The following CAMTA1 variants were observed in gnomAD, a reference collection of about 807,000 sequenced individuals.
The protein encoded by CAMTA1 is calmodulin binding transcription activator 1.
CAMTA1 carries 27 observed loss-of-function variants against 170.9 expected under a neutral mutation model. That is an observed-to-expected ratio of 0.16 (90% confidence interval 0.12 to 0.22). CAMTA1 has a LOEUF of 0.22. Among genes scored for constraint, CAMTA1 ranks in the 10% least tolerant of loss-of-function variants. The pLI is 1.00. For synonymous variants in CAMTA1, 833 were observed against 891.5 expected, an observed-to-expected ratio of 0.93 and a Z score of 1.17; for missense variants, 1,619 against 2,217.2, an observed-to-expected ratio of 0.73 and a Z score of 5.42.
intron 4 of CAMTA1, among the ~76,000 whole-genome samples, chr1:7,105,520 T>G (rs539756672): frequency 1.2e-4 from 18 of 152,362 alleles, no homozygotes; most frequent in South Asian, 6.2e-4. Context: ...TCCGTTCCAC[T>G]GAGCACTGGG....
chr1:7,265,174 C>T (rs1668730589), intron 5 of CAMTA1, among the ~76,000 whole-genome samples: 1 of 152,164 alleles, frequency 6.6e-6, no homozygotes, highest in Non-Finnish European at 1.5e-5. Context: ...TGCGCTGTCC[C>T]AGCCAGCAGC....
intron 3 of CAMTA1, among the ~76,000 whole-genome samples, chr1:6,874,585 G>T (rs1244474227): frequency 2.0e-5 from 3 of 152,166 alleles, no homozygotes; most frequent in Admixed American, 6.5e-5. Flanking sequence ...CTGACTTAGA[G>T]ACCCTTATAT....
At chr1:7,613,955 G>T (rs2095541676) in intron 6 of CAMTA1, among the ~76,000 whole-genome samples, 1 of 146,924 alleles carries the variant, frequency 6.8e-6, no homozygotes, top group Non-Finnish European at 1.5e-5. Context: ...ACCTGGAGGG[G>T]TGAGGAGAGG....
At chr1:6,868,678 A>C (rs1369368032) in intron 3 of CAMTA1, among the ~76,000 whole-genome samples, 1 of 152,152 alleles carries the variant, frequency 6.6e-6, no homozygotes, top group Non-Finnish European at 1.5e-5. Flanking sequence ...CATAGAATAC[A>C]AATTGAGTTT....
At chr1:7,164,130 C>T (rs1016469731) in intron 4 of CAMTA1, among the ~76,000 whole-genome samples, 16 of 152,250 alleles carry the variant, frequency 1.1e-4, no homozygotes, top group Middle Eastern at 3.4e-3. Context: ...CCCCACTCCT[C>T]GCTCCCCACG....
chr1:7,084,447 A>G (rs1240621081), intron 3 of CAMTA1, among the ~76,000 whole-genome samples: 1 of 151,966 alleles, frequency 6.6e-6, no homozygotes, highest in African/African-American at 2.4e-5. Context: ...CTGGGGAGGG[A>G]GTGGGGGCAG....
chr1:7,555,712 G>A (rs1014160154), intron 6 of CAMTA1, among the ~76,000 whole-genome samples: 1 of 152,034 alleles, frequency 6.6e-6, no homozygotes, highest in African/African-American at 2.4e-5. Flanking sequence ...CCAGCACCAA[G>A]GCAAGCACCT....
At chr1:7,498,095 G>A (rs1372270930) in intron 6 of CAMTA1, among the ~76,000 whole-genome samples, 2 of 152,142 alleles carry the variant, frequency 1.3e-5, no homozygotes, top group Non-Finnish European at 2.9e-5. Context: ...AGCATCCTGA[G>A]GAGAGGGGGA....
chr1:7,538,425 G>T (rs1257066927), intron 6 of CAMTA1, among the ~76,000 whole-genome samples: 1 of 152,196 alleles, frequency 6.6e-6, no homozygotes, highest in African/African-American at 2.4e-5. Context: ...CACAGCGGGG[G>T]GATCACTTGA....
intron 4 of CAMTA1, among the ~76,000 whole-genome samples, chr1:7,123,254 G>A (rs1644749090): frequency 6.6e-6 from 1 of 152,058 alleles, no homozygotes; most frequent in African/African-American, 2.4e-5. Flanking sequence ...ACCCTCAGGT[G>A]TTCCTTGGCC....
intron 5 of CAMTA1, among the ~76,000 whole-genome samples, chr1:7,449,915 G>A (rs919938565): frequency 2.6e-5 from 4 of 152,166 alleles, no homozygotes; most frequent in African/African-American, 9.7e-5. Context: ...GGAGAAAGGC[G>A]TTTGATACCA....
intron 4 of CAMTA1, among the ~76,000 whole-genome samples, chr1:7,210,420 T>G (rs757661066): frequency 2.0e-5 from 3 of 152,202 alleles, no homozygotes; most frequent in Non-Finnish European, 4.4e-5. Context: ...TTGTTCTTAG[T>G]GCATCGTGTT....
At chr1:7,163,800 G>A (rs1031421001) in intron 4 of CAMTA1, among the ~76,000 whole-genome samples, 3 of 152,168 alleles carry the variant, frequency 2.0e-5, no homozygotes, top group African/African-American at 7.2e-5. Flanking sequence ...GGTGCGGGGA[G>A]CAGGCCAGGG....
At chr1:7,605,799 G>A (rs1305720251) in intron 6 of CAMTA1, among the ~76,000 whole-genome samples, 1 of 152,210 alleles carries the variant, frequency 6.6e-6, no homozygotes, top group Non-Finnish European at 1.5e-5. Flanking sequence ...GTAGACTGGA[G>A]CTGTTCCTAT....
At position 7,432,662 on chromosome 1, in the gene CAMTA1, G is replaced by A. The variant is rs2149367358; in HGVS notation, c.439-35168G>A. ...CTGGTGCTGGGGTGGTCCGTCCTGA[G>A]CAAGCCTTGGGAAGGGAATCTGGCT... On this transcript the variant is annotated intron_variant, in intron 5 of 22. Transcript: ENST00000303635. Among the ~76,000 whole-genome samples the A allele has an allele frequency of 3.3e-5, 5 of 152,316 alleles. 1 individual carries two copies. The Middle Eastern group carries it at 0.017, about 518-fold the overall frequency.
Position 7,509,466 on chromosome 1 carries a change from C to CTGGT in CAMTA1, c.510+41565_510+41566insTGGT, listed in dbSNP as rs2094170359. 3.3e-5 allele frequency among the ~76,000 whole-genome samples: 5 copies of CTGGT among 152,272 alleles called. No homozygotes were observed. The Middle Eastern group carries it at 0.01, about 311-fold the overall frequency. The stretch of plus-strand genomic sequence containing the variant: ...GTCGGACCCAGCAGGCTTTATAGTC[C>CTGGT]ACAGACACTTGTACCATTCTTTCCC... On this transcript the variant is annotated intron_variant, in intron 6 of 22. Transcript: ENST00000303635.
intron 3 of CAMTA1, among the ~76,000 whole-genome samples, chr1:6,880,968 G>C (rs541536960): frequency 3.3e-5 from 5 of 152,130 alleles, no homozygotes; most frequent in Admixed American, 3.3e-4. Flanking sequence ...CAGTAATTGC[G>C]TGCTTATATA....
chr1:7,459,301 A>G (rs2093029858), intron 5 of CAMTA1, among the ~76,000 whole-genome samples: 2 of 152,230 alleles, frequency 1.3e-5, no homozygotes, highest in Non-Finnish European at 2.9e-5. Flanking sequence ...CAACTAGAGA[A>G]CTAGGGTAAG....
intron 3 of CAMTA1, among the ~76,000 whole-genome samples, chr1:6,911,835 C>T (rs537914647): frequency 3.9e-5 from 6 of 152,338 alleles, no homozygotes; most frequent in South Asian, 2.1e-4. Flanking sequence ...GGCTCTGTTC[C>T]GCGAGCCCTG....
Sources: gnomAD v4.1 joint callset for allele counts (sites outside exome capture counted in the v4.1 genomes callset) on GRCh38, gnomAD v4.1.1 for gene constraint, MANE v1.5 for transcripts, NCBI Gene and HGNC (gene_info 2026-07-23, HGNC 2026-07-21) for gene names.